The following SPTLC3 variants were observed in gnomAD, a reference collection of about 807,000 sequenced individuals.
SPTLC3 encodes serine palmitoyltransferase 3.
SPTLC3 carries 36 observed loss-of-function variants against 59.3 expected under a neutral mutation model. The observed-to-expected ratio is 0.61, with a 90% confidence interval of 0.47 to 0.80. The LOEUF (loss-of-function observed/expected upper bound fraction) is 0.80, where lower values mean the gene tolerates loss of function less well. Ranked by LOEUF, SPTLC3 falls within the 30% of genes least tolerant of loss-of-function variation. The probability of loss-of-function intolerance (pLI) is 0.00; values close to 1 mark genes in which losing one functional copy is unlikely to be tolerated. For missense variants in SPTLC3, 625 were observed against 685.1 expected, an observed-to-expected ratio of 0.91 and a Z score of 0.98; for synonymous variants, 257 against 240.8, an observed-to-expected ratio of 1.07 and a Z score of -0.62.
chr20:13,109,842 G>A (rs1460275827), intron 6 of SPTLC3, among the ~76,000 whole-genome samples: 4 of 152,122 alleles, frequency 2.6e-5, no homozygotes, highest in Admixed American at 1.3e-4. Flanking sequence ...TAAGGCAGGC[G>A]GGGAGAGCCT....
chr20:13,082,330 T>A (rs1600261288), intron 4 of SPTLC3, among the ~76,000 whole-genome samples: 2 of 152,156 alleles, frequency 1.3e-5, no homozygotes, highest in South Asian at 2.1e-4. Flanking sequence ...TTCTCTTGAG[T>A]CCCACTGGAG....
intron 7 of SPTLC3, among the ~76,000 whole-genome samples, chr20:13,111,075 A>T (rs1401718428): frequency 6.6e-6 from 1 of 152,134 alleles, no homozygotes; most frequent in Non-Finnish European, 1.5e-5. Flanking sequence ...TTAAGAAAAA[A>T]AAAGTGAATT....
At chr20:13,147,927 T>C (rs2038553097) in intron 9 of SPTLC3, among the ~76,000 whole-genome samples, 1 of 152,214 alleles carries the variant, frequency 6.6e-6, no homozygotes, top group Non-Finnish European at 1.5e-5. Flanking sequence ...GAAAACGAGA[T>C]TGCAAAGTCT....
intron 10 of SPTLC3, among the ~76,000 whole-genome samples, chr20:13,158,290 A>C (rs1007873338): frequency 6.6e-6 from 1 of 152,210 alleles, no homozygotes; most frequent in Non-Finnish European, 1.5e-5. Flanking sequence ...TAAAATTTCC[A>C]GTGCAATCAT....
intron 10 of SPTLC3, among the ~76,000 whole-genome samples, chr20:13,154,409 T>G (rs935198876): frequency 6.6e-6 from 1 of 152,214 alleles, no homozygotes; most frequent in Non-Finnish European, 1.5e-5. Context: ...CAGCCTCACC[T>G]GTAAATTAAG....
At chr20:13,103,776 C>T (rs1247094981) in intron 6 of SPTLC3, among the ~76,000 whole-genome samples, 1 of 152,142 alleles carries the variant, frequency 6.6e-6, no homozygotes, top group Non-Finnish European at 1.5e-5. Flanking sequence ...TTGGAAAACC[C>T]ACAGCTGCAC....
At chr20:13,092,306 G>T (rs903407006) in intron 5 of SPTLC3, among the ~76,000 whole-genome samples, 3 of 152,220 alleles carry the variant, frequency 2.0e-5, no homozygotes, top group African/African-American at 7.2e-5. Context: ...GTTTGAAATT[G>T]TTCCTCAGAA....
Position 13,156,118 on chromosome 20 carries a change from A to T in SPTLC3, c.1415+1980A>T, listed in dbSNP as rs546624578. Among the ~76,000 whole-genome samples the T allele has an allele frequency of 7.9e-5, 12 of 152,320 alleles. No homozygotes were observed. The South Asian group carries it at 2.5e-3, about 32-fold the overall frequency. On this transcript the variant is annotated intron_variant, in intron 10 of 11. Coordinates refer to ENST00000399002, the MANE Select transcript of SPTLC3 (RefSeq NM_018327.4). ...TTTATTCAAAATGATTGGGGAAATG[A>T]TGTGTGTTGGAAGAAATATTCCAAA...
chr20:13,091,892 G>A (rs566419245), intron 5 of SPTLC3, among the ~76,000 whole-genome samples: 2 of 152,122 alleles, frequency 1.3e-5, no homozygotes, highest in South Asian at 2.1e-4. Context: ...ACCAATTATT[G>A]AGAACCTACT....
At chr20:13,025,804 T>G (rs1198701799) in intron 1 of SPTLC3, among the ~76,000 whole-genome samples, 1 of 152,154 alleles carries the variant, frequency 6.6e-6, no homozygotes, top group Non-Finnish European at 1.5e-5. Context: ...CACAGCAGTT[T>G]GTTGTACTTA....
chr20:13,061,377 G>T (rs899084363), intron 2 of SPTLC3, among the ~76,000 whole-genome samples: 2 of 152,088 alleles, frequency 1.3e-5, no homozygotes, highest in East Asian at 3.9e-4. Context: ...ATAGAAAAAG[G>T]TCAGCCCATC....
intron 2 of SPTLC3, among the ~76,000 whole-genome samples, chr20:13,054,499 A>G (rs1391856649): frequency 1.3e-5 from 2 of 152,194 alleles, no homozygotes; most frequent in East Asian, 3.9e-4. Flanking sequence ...AGGTAGTGAC[A>G]ATAGGGTTGG....
chr20:13,074,826 T>C (rs1988584398), intron 4 of SPTLC3, among the ~76,000 whole-genome samples: 1 of 152,198 alleles, frequency 6.6e-6, no homozygotes, highest in Admixed American at 6.5e-5. Flanking sequence ...GTTAAAATGA[T>C]CTTGCATTTG....
intron 1 of SPTLC3, among the ~76,000 whole-genome samples, chr20:13,023,927 G>A (rs1986017168): frequency 6.6e-6 from 1 of 152,174 alleles, no homozygotes; most frequent in Non-Finnish European, 1.5e-5. Flanking sequence ...CCCAAGGTGT[G>A]TAGGGCTGTC....
chr20:13,056,210 C>G (rs1378398382), intron 2 of SPTLC3, among the ~76,000 whole-genome samples: 1 of 152,172 alleles, frequency 6.6e-6, no homozygotes, highest in Non-Finnish European at 1.5e-5. Flanking sequence ...TAATGATTTA[C>G]CTTTCTTTAC....
chr20:13,079,656 C>T (rs1008053762), intron 4 of SPTLC3: 1 of 391,724 alleles, frequency 2.6e-6, no homozygotes, highest in Non-Finnish European at 5.3e-6. Flanking sequence ...ACTGTTGTTT[C>T]CTTGATGTGC....
In SPTLC3 at chr20:13,168,587, T is replaced by G. The variant is rs1338995244; in HGVS notation, c.*3720T>G. On this transcript the variant is annotated 3_prime_UTR_variant, in exon 12 of 12. Coordinates refer to ENST00000399002, the MANE Select transcript of SPTLC3 (RefSeq NM_018327.4). ...ACAGCTCTTCAGTAGGGTAAAAGTCTTAACAGTTCTTCAAACGAACAATAT... is the reference window on the plus strand; with the variant it reads ...ACAGCTCTTCAGTAGGGTAAAAGTCGTAACAGTTCTTCAAACGAACAATAT... The G allele has an allele frequency of 6.6e-6, 1 of 152,242 alleles. No individual in the cohort carries two copies. The highest frequency in any genetic ancestry group is 1.9e-4 in the East Asian group (1 of 5,204). The allele number at this position is 152,242 out of a possible 1,614,324, so 9.4% of individuals were successfully genotyped here.
chr20:13,163,367 CAAAAAAAA>C (rs56217510), intron 11 of SPTLC3, among the ~76,000 whole-genome samples: 1 of 90,086 alleles, frequency 1.1e-5, no homozygotes, highest in Non-Finnish European at 2.2e-5. Flanking sequence ...GACGCTGTCT[CAAAAAAAA>C]AAAAAAAAAA....
At chr20:13,146,117 C>T (rs942390674) in intron 9 of SPTLC3, among the ~76,000 whole-genome samples, 1 of 152,188 alleles carries the variant, frequency 6.6e-6, no homozygotes, top group Admixed American at 6.5e-5. Flanking sequence ...AAGATCATGT[C>T]TTTTGCAGGA....
Sources: allele counts gnomAD v4.1 joint callset (sites outside exome capture counted in the v4.1 genomes callset), GRCh38; gene constraint gnomAD v4.1.1; transcripts MANE v1.5; gene names NCBI Gene and HGNC (gene_info 2026-07-23, HGNC 2026-07-21).